LRMDA: variants seen among roughly 807,000 people sequenced by gnomAD.
LRMDA encodes leucine-rich melanocyte differentiation-associated protein.
A neutral mutation model predicts 29.8 loss-of-function variants in LRMDA; 18 were observed. The ratio of observed to expected loss-of-function variants is 0.60; its 90% CI spans 0.42 to 0.90. The LOEUF (loss-of-function observed/expected upper bound fraction) is 0.90, where lower values mean the gene tolerates loss of function less well. LRMDA is among the 40% of genes least tolerant of loss of function. The pLI is 0.00. For synonymous variants in LRMDA, 125 were observed against 109.4 expected, an observed-to-expected ratio of 1.14 and a Z score of -0.89; for missense variants, 273 against 273.9, an observed-to-expected ratio of 1.00 and a Z score of 0.02.
intron 6 of LRMDA, among the ~76,000 whole-genome samples, chr10:76,430,853 C>G (rs1244105815): frequency 1.3e-5 from 2 of 152,164 alleles, no homozygotes; most frequent in African/African-American, 4.8e-5. Context: ...TCCTCTGCCT[C>G]CACAAATTCA....
At chr10:75,514,315 C>CTT (rs534475514) in intron 2 of LRMDA, among the ~76,000 whole-genome samples, 1 of 144,074 alleles carries the variant, frequency 6.9e-6, no homozygotes, top group South Asian at 2.2e-4. Context: ...TCTTCTTCTT[C>CTT]TTTTTTTTTT....
At chr10:75,893,754 G>A (rs988102811) in intron 2 of LRMDA, among the ~76,000 whole-genome samples, 2 of 151,910 alleles carry the variant, frequency 1.3e-5, no homozygotes, top group Non-Finnish European at 2.9e-5. Flanking sequence ...GCCACGATGG[G>A]GAAACCCCAT....
intron 5 of LRMDA, among the ~76,000 whole-genome samples, chr10:76,100,380 C>T (rs1243334168): frequency 6.6e-6 from 1 of 152,212 alleles, no homozygotes; most frequent in African/African-American, 2.4e-5. Context: ...CCCCATCTCA[C>T]AGATTGATTT....
At chr10:75,447,975 G>C (rs1589147106) in intron 2 of LRMDA, among the ~76,000 whole-genome samples, 1 of 152,262 alleles carries the variant, frequency 6.6e-6, no homozygotes, top group East Asian at 1.9e-4. Context: ...GGTGGTTTTT[G>C]TGGCACTCCC....
At chr10:76,497,400 C>T (rs1268457014) in intron 6 of LRMDA, among the ~76,000 whole-genome samples, 1 of 74,574 alleles carries the variant, frequency 1.3e-5, no homozygotes, top group East Asian at 2.6e-4. Context: ...CCACTCTTTG[C>T]ACCCTTGTTT....
At chr10:75,759,332 C>T (rs1194124955) in intron 2 of LRMDA, among the ~76,000 whole-genome samples, 1 of 152,132 alleles carries the variant, frequency 6.6e-6, no homozygotes, top group South Asian at 2.1e-4. Context: ...TTTGGGGCTC[C>T]GTGTCATCAA....
At chr10:76,183,153 C>T (rs757749327) in intron 5 of LRMDA, among the ~76,000 whole-genome samples, 1 of 152,186 alleles carries the variant, frequency 6.6e-6, no homozygotes, top group South Asian at 2.1e-4. Flanking sequence ...AGCAAACTTA[C>T]CTTCACCTCA....
At chr10:76,438,543 C>A (rs1842268538) in intron 6 of LRMDA, 1 of 152,062 alleles carries the variant, frequency 6.6e-6, no homozygotes, top group African/African-American at 2.4e-5. Context: ...ATTACCTGGC[C>A]AAGTATCATT....
chr10:76,248,310 A>G (rs907271043), intron 5 of LRMDA, among the ~76,000 whole-genome samples: 3 of 152,156 alleles, frequency 2.0e-5, no homozygotes, highest in Non-Finnish European at 4.4e-5. Flanking sequence ...GATAGTGTTG[A>G]GGTTGAGATA....
chr10:75,798,221 A>G (rs145773003), intron 2 of LRMDA, among the ~76,000 whole-genome samples: 3,308 of 152,192 alleles, frequency 0.022, 90 homozygotes, highest in Non-Finnish European at 0.023. Context: ...TTCCTTTATA[A>G]AGTACAGTAT....
intron 2 of LRMDA, among the ~76,000 whole-genome samples, chr10:75,851,677 G>T (rs1271467520): frequency 2.0e-5 from 3 of 152,182 alleles, no homozygotes; most frequent in African/African-American, 7.2e-5. Context: ...ATGAGTGAAT[G>T]AACTGATAAA....
intron 2 of LRMDA, among the ~76,000 whole-genome samples, chr10:75,828,213 C>T (rs1844279236): frequency 6.6e-6 from 1 of 152,140 alleles, no homozygotes; most frequent in South Asian, 2.1e-4. Context: ...TATCTCAGAC[C>T]TGAAAAGAAG....
intron 2 of LRMDA, among the ~76,000 whole-genome samples, chr10:75,989,811 C>T (rs1589278862): frequency 1.3e-5 from 2 of 152,262 alleles, no homozygotes; most frequent in Non-Finnish European, 1.5e-5. Flanking sequence ...TCTTCTGTCC[C>T]CTGGGCTGTT....
intron 2 of LRMDA, among the ~76,000 whole-genome samples, chr10:75,913,395 G>T (rs987704903): frequency 6.6e-6 from 1 of 152,162 alleles, no homozygotes; most frequent in Non-Finnish European, 1.5e-5. Context: ...GGCAGAGGTT[G>T]CAGTGAGCCA....
intron 5 of LRMDA, among the ~76,000 whole-genome samples, chr10:76,100,318 G>T (rs561360972): frequency 7.2e-5 from 11 of 152,112 alleles, no homozygotes; most frequent in Admixed American, 4.6e-4. Flanking sequence ...TGGGCAAAAA[G>T]GAAAAAAGAA....
At chr10:75,913,293 C>T (rs1845870412) in intron 2 of LRMDA, among the ~76,000 whole-genome samples, 1 of 152,132 alleles carries the variant, frequency 6.6e-6, no homozygotes, top group Non-Finnish European at 1.5e-5. Context: ...CCCGTCTCTA[C>T]TAAAAAGACA....
At chr10:76,198,289 G>A (rs1269482166) in intron 5 of LRMDA, among the ~76,000 whole-genome samples, 3 of 152,220 alleles carry the variant, frequency 2.0e-5, no homozygotes, top group African/African-American at 7.2e-5. Flanking sequence ...AGTGGGTCTA[G>A]GGTGGAGGAA....
chr10:76,179,248 G>A (rs554562072), intron 5 of LRMDA, among the ~76,000 whole-genome samples: 1 of 152,158 alleles, frequency 6.6e-6, no homozygotes, highest in South Asian at 2.1e-4. Flanking sequence ...GGGGGGGGTG[G>A]TGGAGGAGTA....
intron 5 of LRMDA, among the ~76,000 whole-genome samples, chr10:76,072,120 G>T (rs1009774480): frequency 1.3e-5 from 2 of 152,190 alleles, no homozygotes; most frequent in South Asian, 2.1e-4. Context: ...AGCATTGTGG[G>T]TTTATCAGAC....
Sources: allele counts gnomAD v4.1 joint callset (sites outside exome capture counted in the v4.1 genomes callset), GRCh38; gene constraint gnomAD v4.1.1; transcripts MANE v1.5; gene names NCBI Gene and HGNC (gene_info 2026-07-23, HGNC 2026-07-21).